CDK6: variants seen among roughly 807,000 people sequenced by gnomAD.
The protein encoded by CDK6 is cyclin-dependent kinase 6.
Under a neutral mutation model 37.1 loss-of-function variants are expected in CDK6, and 6 were observed. That is an observed-to-expected ratio of 0.16 (90% confidence interval 0.09 to 0.32). The LOEUF is 0.32. Among genes scored for constraint, CDK6 ranks in the 10% least tolerant of loss-of-function variants. The pLI is 1.00. For synonymous variants in CDK6, 160 were observed against 161.3 expected (o/e 0.99, Z 0.06); for missense variants, 224 against 418.9 (o/e 0.53, Z 4.06).
intron 2 of CDK6, among the ~76,000 whole-genome samples, chr7:92,823,236 T>G (rs1801219531): frequency 6.6e-6 from 1 of 151,768 alleles, no homozygotes; most frequent in Non-Finnish European, 1.5e-5. Context: ...TGAAATCAGT[T>G]CCATCACTTT....
intron 3 of CDK6, among the ~76,000 whole-genome samples, chr7:92,754,139 C>T (rs952981305): frequency 6.6e-6 from 1 of 152,148 alleles, no homozygotes; most frequent in African/African-American, 2.4e-5. Context: ...ACTGTTACTT[C>T]CACTCAATTA....
rs3731270 is a variant in CDK6, at chr7:92,814,445, T to C, written c.233+18646A>G. On this transcript the variant is annotated intron_variant, in intron 2 of 7. Transcript: ENST00000424848. ...CAACTTCCTTGGTTCACATGCCCTTTGACATTACCCAAATTTAAGAACTGC... is the reference window on the plus strand; with the variant it reads ...CAACTTCCTTGGTTCACATGCCCTTCGACATTACCCAAATTTAAGAACTGC... 3.3e-5 allele frequency among the ~76,000 whole-genome samples: 5 copies of C among 151,884 alleles called. No homozygotes were observed. In the East Asian group the frequency reaches 9.7e-4, roughly 30 times the overall value.
At chr7:92,713,257 T>C (rs1434540800) in intron 4 of CDK6, among the ~76,000 whole-genome samples, 1 of 152,196 alleles carries the variant, frequency 6.6e-6, no homozygotes, top group African/African-American at 2.4e-5. Flanking sequence ...GGCCAGACAG[T>C]ATAAGTAGTT....
intron 2 of CDK6, among the ~76,000 whole-genome samples, chr7:92,802,618 A>G (rs1026817038): frequency 1.4e-4 from 21 of 152,234 alleles, no homozygotes; most frequent in Admixed American, 7.2e-4. Context: ...GTTCTGCTTT[A>G]TGTACACAGC....
intron 5 of CDK6, among the ~76,000 whole-genome samples, chr7:92,625,583 C>G (rs548402222): frequency 1.1e-4 from 16 of 151,146 alleles, no homozygotes; most frequent in Non-Finnish European, 5.9e-5. Context: ...AAAAACCTCA[C>G]CAAGTATTTA....
At chr7:92,660,810 T>C (rs1463179711) in intron 5 of CDK6, among the ~76,000 whole-genome samples, 1 of 151,956 alleles carries the variant, frequency 6.6e-6, no homozygotes, top group Non-Finnish European at 1.5e-5. Flanking sequence ...AGGGTTCCAT[T>C]AACAGAAAAA....
chr7:92,605,610 C>T lies in CDK6; in HGVS notation c.*9530G>A. The T allele has an allele frequency of 4.3e-6, 1 of 233,234 alleles. No homozygotes were observed. Among genetic ancestry groups the T allele is most frequent in the Admixed American group, 5.6e-5 (1 of 17,804 alleles). 14.4% of individuals were successfully genotyped at this position (233,234 alleles called of 1,614,324 possible). A position where few individuals can be genotyped will look rare whatever the true frequency, so the allele number is the denominator to read the frequency against. On this transcript the variant is annotated 3_prime_UTR_variant, in exon 8 of 8. Transcript: ENST00000424848. ...CTGCCTCTTGGGAAAGGAGCAAGAG[C>T]ATTCAGCTCAGAGCATTCTGAAGAC...
chr7:92,710,915 G>C (rs750409586), intron 4 of CDK6: 1 of 949,252 alleles, frequency 1.1e-6, no homozygotes, highest in Non-Finnish European at 1.3e-6. Flanking sequence ...GAACATGCTG[G>C]ATGCTTTATT....
intron 3 of CDK6, among the ~76,000 whole-genome samples, chr7:92,755,368 G>A (rs890050676): frequency 1.2e-4 from 18 of 151,680 alleles, no homozygotes; most frequent in Non-Finnish European, 2.4e-4. Context: ...GGTGTAACTT[G>A]CATGACAGTA....
rs983161924 is a variant in CDK6 at position 92,835,291 on chromosome 7, C to G, written c.-368+1187G>C. The G allele has an allele frequency of 6.7e-6, 1 of 149,658 alleles. No individual in the cohort carries two copies. The highest frequency in any genetic ancestry group is 1.5e-5 in the Non-Finnish European group (1 of 67,328). 9.3% of individuals were successfully genotyped at this position (149,658 alleles called of 1,614,324 possible). On this transcript the variant is annotated intron_variant, in intron 1 of 7. Coordinates refer to ENST00000424848, the MANE Select transcript of CDK6 (RefSeq NM_001145306.2). This position sits in a 1 kb window ranked among gnomAD's most constrained non-coding sequence, Gnocchi z 4.2. ...TGCATCCCCCCAACCCCCTCCCGCT[C>G]GAGTCTAGCCCCGGGCTCCGCAGCG...
intron 3 of CDK6, among the ~76,000 whole-genome samples, chr7:92,761,326 T>C (rs1300186401): frequency 6.6e-6 from 1 of 152,148 alleles, no homozygotes; most frequent in East Asian, 1.9e-4. Context: ...CTATAAAGTA[T>C]TTAGACTGTG....
In CDK6 at chr7:92,614,999, G is replaced by T; in HGVS notation, c.*141C>A. On this transcript the variant is annotated 3_prime_UTR_variant, in exon 8 of 8. Transcript: ENST00000424848. ...CAGTAAACTAGGCGGTTTCCTTGGA[G>T]AAGCAGAGCCTGTCCAGAAGACAGC... 1 of 737,170 alleles carries T rather than the reference G, an allele frequency of 1.4e-6. No homozygotes were observed. The highest frequency in any genetic ancestry group is 2.2e-6 in the Non-Finnish European group (1 of 458,556). The allele number at this position is 737,170 out of a possible 1,614,324, so 45.7% of individuals were successfully genotyped here.
At chr7:92,767,329 T>C (rs1056779422) in intron 3 of CDK6, among the ~76,000 whole-genome samples, 2 of 152,220 alleles carry the variant, frequency 1.3e-5, no homozygotes, top group African/African-American at 4.8e-5. Context: ...TTGCTTGAGT[T>C]ACTGAGTTTT....
intron 2 of CDK6, among the ~76,000 whole-genome samples, chr7:92,788,325 C>T (rs1385915472): frequency 1.3e-5 from 2 of 152,124 alleles, no homozygotes; most frequent in African/African-American, 4.8e-5. Flanking sequence ...TCAAGGCAGA[C>T]GTTTTCTTTT....
chr7:92,805,824 T>C (rs1800711192), intron 2 of CDK6, among the ~76,000 whole-genome samples: 1 of 152,210 alleles, frequency 6.6e-6, no homozygotes, highest in African/African-American at 2.4e-5. Flanking sequence ...GTCTCTATTA[T>C]TTCCAATCTG....
At chr7:92,697,234 T>C (rs1274922520) in intron 4 of CDK6, among the ~76,000 whole-genome samples, 2 of 152,174 alleles carry the variant, frequency 1.3e-5, no homozygotes, top group African/African-American at 2.4e-5. Flanking sequence ...TTATCTATTG[T>C]GGAAGTCAAT....
At chr7:92,705,883 T>C (rs1411658899) in intron 4 of CDK6, among the ~76,000 whole-genome samples, 2 of 152,250 alleles carry the variant, frequency 1.3e-5, no homozygotes, top group Non-Finnish European at 1.5e-5. Flanking sequence ...CAGTTATTAG[T>C]CTAGGTACCA....
At chr7:92,786,139 G>A (rs1297672033) in intron 2 of CDK6, among the ~76,000 whole-genome samples, 3 of 152,162 alleles carry the variant, frequency 2.0e-5, no homozygotes, top group Non-Finnish European at 4.4e-5. Context: ...TTTCTGACCT[G>A]TGAAAGCCCT....
intron 4 of CDK6, among the ~76,000 whole-genome samples, chr7:92,694,141 G>T (rs1797657252): frequency 6.6e-6 from 1 of 152,088 alleles, no homozygotes; most frequent in African/African-American, 2.4e-5. Flanking sequence ...CTGAGTTTTT[G>T]TTCCAGATAT....
Sources: gnomAD v4.1 joint callset for allele counts (sites outside exome capture counted in the v4.1 genomes callset) on GRCh38, gnomAD v4.1.1 for gene constraint, Gnocchi (gnomAD v3.1) non-coding constraint, MANE v1.5 for transcripts, NCBI Gene and HGNC (gene_info 2026-07-23, HGNC 2026-07-21) for gene names.